GAREM1: variants seen among roughly 807,000 people sequenced by gnomAD.
GAREM1 encodes GRB2 associated regulator of MAPK1 subtype 1.
Under a neutral mutation model 71.3 loss-of-function variants are expected in GAREM1, and 26 were observed. The observed-to-expected ratio is 0.36, with a 90% CI of 0.27 to 0.51. The LOEUF (loss-of-function observed/expected upper bound fraction) is 0.51. Ranked by LOEUF, GAREM1 falls within the 20% of genes least tolerant of loss-of-function variation. The pLI is 0.95. For synonymous variants in GAREM1, 440 were observed against 433.2 expected (o/e 1.02, Z -0.20); for missense variants, 1,026 against 1,103.1 (o/e 0.93, Z 0.99).
intron 4 of GAREM1, among the ~76,000 whole-genome samples, chr18:32,280,195 CAG>C (rs2041595067): frequency 1.3e-5 from 2 of 152,088 alleles, no homozygotes; most frequent in African/African-American, 2.4e-5. Flanking sequence ...TAATATTTTA[CAG>C]AGAGAAAAAG....
chr18:32,415,237 T>C (rs991022016), intron 1 of GAREM1, among the ~76,000 whole-genome samples: 14 of 151,912 alleles, frequency 9.2e-5, no homozygotes, highest in Non-Finnish European at 1.6e-4. Context: ...ATAAAAGCCC[T>C]GGACCTGATG....
rs2047492928 is a variant in GAREM1 at position 32,328,281 on chromosome 18, G to A, written c.263-17958C>T. ...TGATTTAGGATGGCATATTTATTTT[G>A]AATATCCCACAAATAATTATTAAAT... On this transcript the variant is annotated intron_variant, in intron 2 of 5. Transcript: ENST00000269209. Among the ~76,000 whole-genome samples, 3 of 152,012 alleles carry A rather than the reference G, an allele frequency of 2.0e-5. No individual in the cohort carries two copies. In the South Asian group the frequency reaches 6.2e-4, roughly 32 times the overall value.
At chr18:32,462,311 A>G (rs1331715252) in intron 1 of GAREM1, among the ~76,000 whole-genome samples, 1 of 152,130 alleles carries the variant, frequency 6.6e-6, no homozygotes, top group Non-Finnish European at 1.5e-5. Flanking sequence ...TTGCCATTCT[A>G]TCTAGAGTAA....
chr18:32,330,470 T>A (rs1391110129), intron 2 of GAREM1, among the ~76,000 whole-genome samples: 2 of 152,168 alleles, frequency 1.3e-5, no homozygotes, highest in African/African-American at 4.8e-5. Flanking sequence ...TGTACTCATA[T>A]AACAAACCTG....
intron 1 of GAREM1, among the ~76,000 whole-genome samples, chr18:32,433,438 A>T (rs966558102): frequency 6.6e-6 from 1 of 151,586 alleles, no homozygotes; most frequent in Non-Finnish European, 1.5e-5. Context: ...TAACTACTGC[A>T]ATTAAGGACA....
chr18:32,341,009 A>G (rs887702330), intron 2 of GAREM1, among the ~76,000 whole-genome samples: 1 of 152,146 alleles, frequency 6.6e-6, no homozygotes, highest in African/African-American at 2.4e-5. Context: ...TTTAAGTTCT[A>G]GGGTACATGT....
intron 3 of GAREM1, among the ~76,000 whole-genome samples, chr18:32,303,537 G>A (rs1160943831): frequency 6.6e-6 from 1 of 152,204 alleles, no homozygotes; most frequent in Non-Finnish European, 1.5e-5. Flanking sequence ...AGTATTTGAA[G>A]TGAAGGGGTA....
At chr18:32,291,598 C>T (rs770875222) in intron 3 of GAREM1, among the ~76,000 whole-genome samples, 1 of 151,994 alleles carries the variant, frequency 6.6e-6, no homozygotes, top group African/African-American at 2.4e-5. Context: ...ACCCATCAAA[C>T]CATCATTTAC....
In GAREM1 at chr18:32,470,770, G is replaced by A. The variant is rs1434395797; in HGVS notation, c.-342C>T. Among the ~76,000 whole-genome samples, 2 of 149,844 alleles carry A rather than the reference G, an allele frequency of 1.3e-5. No individual in the cohort carries two copies. The highest frequency in any genetic ancestry group is 4.9e-5 in the African/African-American group (2 of 41,168). On this transcript the variant is annotated 5_prime_UTR_variant, in exon 1 of 6. Coordinates refer to ENST00000269209, the MANE Select transcript of GAREM1 (RefSeq NM_001242409.2). This position sits in a 1 kb window ranked among gnomAD's most constrained non-coding sequence, Gnocchi z 4.4. ...CCTCTGGCCCTGGGTCTGCAGCTGCGGCGGCCGCCCGCTCGCCTCCTCCTC... is the reference window on the plus strand; with the variant it reads ...CCTCTGGCCCTGGGTCTGCAGCTGCAGCGGCCGCCCGCTCGCCTCCTCCTC...
At chr18:32,403,160 G>A (rs564781317) in intron 1 of GAREM1, among the ~76,000 whole-genome samples, 2 of 152,078 alleles carry the variant, frequency 1.3e-5, no homozygotes, top group East Asian at 1.9e-4. Flanking sequence ...TGCCTGCTTC[G>A]GCCTCCCAAA....
chr18:32,293,790 T>C (rs1291776539), intron 3 of GAREM1, among the ~76,000 whole-genome samples: 1 of 152,128 alleles, frequency 6.6e-6, no homozygotes, highest in Non-Finnish European at 1.5e-5. Flanking sequence ...AAATTTAGTA[T>C]CACCAAAGAG....
chr18:32,301,023 T>C (rs752227599), intron 3 of GAREM1, among the ~76,000 whole-genome samples: 1 of 152,134 alleles, frequency 6.6e-6, no homozygotes, highest in Non-Finnish European at 1.5e-5. Context: ...ACAAATATGT[T>C]AAAATAAAAG....
intron 1 of GAREM1, among the ~76,000 whole-genome samples, chr18:32,431,188 A>G (rs2048621298): frequency 6.6e-6 from 1 of 152,208 alleles, no homozygotes; most frequent in Non-Finnish European, 1.5e-5. Flanking sequence ...AAGATAAATC[A>G]ATAGAAATTA....
chr18:32,466,411 G>A (rs1195166106), intron 1 of GAREM1, among the ~76,000 whole-genome samples: 1 of 152,110 alleles, frequency 6.6e-6, no homozygotes. Flanking sequence ...TTTTTAGAAT[G>A]ATGTAATACT....
intron 2 of GAREM1, among the ~76,000 whole-genome samples, chr18:32,327,799 T>C (rs2047488420): frequency 6.6e-6 from 1 of 152,276 alleles, no homozygotes; most frequent in South Asian, 2.1e-4. Context: ...GACAGACAAG[T>C]TTGAATCTCA....
At chr18:32,431,606 C>A in intron 1 of GAREM1, among the ~76,000 whole-genome samples, 1 of 152,162 alleles carries the variant, frequency 6.6e-6, no homozygotes. Flanking sequence ...CCAGCCTAGG[C>A]AACACAGCAA....
chr18:32,418,360 T>C (rs2048484731), intron 1 of GAREM1, among the ~76,000 whole-genome samples: 1 of 152,140 alleles, frequency 6.6e-6, no homozygotes, highest in East Asian at 1.9e-4. Context: ...TGCTGTGTAC[T>C]GTAAACACCC....
At chr18:32,355,560 A>C (rs556662339) in intron 2 of GAREM1, among the ~76,000 whole-genome samples, 15 of 152,318 alleles carry the variant, frequency 9.8e-5, no homozygotes, top group African/African-American at 3.1e-4. Flanking sequence ...TGAAACAAAA[A>C]TCAGACATAC....
intron 1 of GAREM1, among the ~76,000 whole-genome samples, chr18:32,440,991 T>C (rs1382840677): frequency 6.6e-6 from 1 of 152,242 alleles, no homozygotes; most frequent in African/African-American, 2.4e-5. Context: ...AGCACCATTT[T>C]ATGACATCTT....
Sources: allele counts gnomAD v4.1 joint callset (sites outside exome capture counted in the v4.1 genomes callset), GRCh38; gene constraint gnomAD v4.1.1; non-coding constraint Gnocchi (gnomAD v3.1); transcripts MANE v1.5; gene names NCBI Gene and HGNC (gene_info 2026-07-23, HGNC 2026-07-21).